The following SLC25A48 variants were observed in gnomAD, a reference collection of about 807,000 sequenced individuals.
The protein encoded by SLC25A48 is solute carrier family 25 member 48.
A neutral mutation model predicts 32.2 loss-of-function variants in SLC25A48; 29 were observed. That is an observed-to-expected ratio of 0.90 (90% confidence interval 0.67 to 1.23). The LOEUF (loss-of-function observed/expected upper bound fraction) is 1.23. Among genes scored for constraint, SLC25A48 ranks in the 50% most tolerant of loss-of-function variants. The pLI is 0.00. For missense variants in SLC25A48, 399 were observed against 422.7 expected (o/e 0.94, Z 0.49); for synonymous variants, 164 against 172.3 (o/e 0.95, Z 0.38).
At chr5:135,844,286 G>A (rs1057258492) in intron 2 of SLC25A48, among the ~76,000 whole-genome samples, 4 of 152,216 alleles carry the variant, frequency 2.6e-5, no homozygotes, top group Non-Finnish European at 4.4e-5. Flanking sequence ...GGTGCCTGCT[G>A]CATACCTCTC....
chr5:135,791,490 A>T (rs937249149), intron 3 of SLC25A48, among the ~76,000 whole-genome samples: 1 of 151,534 alleles, frequency 6.6e-6, no homozygotes, highest in Non-Finnish European at 1.5e-5. Flanking sequence ...TCCTAGGGAG[A>T]TGTTACTCCT....
chr5:135,723,190 G>A (rs1190428907), intron 3 of SLC25A48, among the ~76,000 whole-genome samples: 3 of 152,234 alleles, frequency 2.0e-5, no homozygotes, highest in Admixed American at 6.5e-5. Flanking sequence ...TTGCTCTTAA[G>A]TCTTTTTAAC....
intron 3 of SLC25A48, among the ~76,000 whole-genome samples, chr5:135,701,659 T>A (rs1754399102): frequency 6.6e-6 from 1 of 152,220 alleles, no homozygotes; most frequent in South Asian, 2.1e-4. Flanking sequence ...CCTTTGATAG[T>A]GTCTGAGCCA....
intron 3 of SLC25A48, among the ~76,000 whole-genome samples, chr5:135,697,990 C>T (rs1465356236): frequency 6.6e-6 from 1 of 152,256 alleles, no homozygotes; most frequent in Non-Finnish European, 1.5e-5. Flanking sequence ...ACCTACCACC[C>T]CAACTGTCCA....
intron 3 of SLC25A48, among the ~76,000 whole-genome samples, chr5:135,690,644 C>T (rs1754122549): frequency 6.6e-6 from 1 of 152,194 alleles, no homozygotes; most frequent in South Asian, 2.1e-4. Context: ...CCCAAAACAC[C>T]TGCTCATTAA....
At chr5:135,759,829 C>T (rs1756017513) in intron 3 of SLC25A48, among the ~76,000 whole-genome samples, 1 of 119,510 alleles carries the variant, frequency 8.4e-6, no homozygotes, top group Admixed American at 8.6e-5. Context: ...TATATATCAT[C>T]TTTTTTTTTT....
upstream of SLC25A48, among the ~76,000 whole-genome samples, chr5:135,830,019 T>G (rs1758162409): frequency 6.6e-6 from 1 of 151,540 alleles, no homozygotes. Flanking sequence ...GGTACAGAGA[T>G]TGGGGTGTCG....
chr5:135,633,112 A>G (rs942932958), intron 2 of SLC25A48, among the ~76,000 whole-genome samples: 1 of 152,152 alleles, frequency 6.6e-6, no homozygotes, highest in Non-Finnish European at 1.5e-5. Context: ...AGGGCAGCCA[A>G]TCTGTACAAG....
chr5:135,684,828 A>T (rs958471357), intron 3 of SLC25A48, among the ~76,000 whole-genome samples: 8 of 152,220 alleles, frequency 5.3e-5, no homozygotes, highest in African/African-American at 1.7e-4. Context: ...CATATTTTAC[A>T]TAGTCAGTTT....
intron 3 of SLC25A48, among the ~76,000 whole-genome samples, chr5:135,788,288 C>T (rs1439950587): frequency 4.0e-5 from 6 of 150,088 alleles, no homozygotes. Context: ...GGATGTACAG[C>T]CCCTTGCCAT....
At chr5:135,873,631 C>T (rs369574153) in intron 5 of SLC25A48, among the ~76,000 whole-genome samples, 1 of 152,166 alleles carries the variant, frequency 6.6e-6, no homozygotes, top group Non-Finnish European at 1.5e-5. Flanking sequence ...TGGGAAGGTG[C>T]TCCCAAGTAC....
chr5:135,829,486 A>G (rs1164764904), intron 4 of SLC25A48, among the ~76,000 whole-genome samples: 1 of 152,172 alleles, frequency 6.6e-6, no homozygotes, highest in Non-Finnish European at 1.5e-5. Context: ...CCAGAATTTC[A>G]GACTTCTGTG....
At chr5:135,604,852 G>A (rs953817816) in intron 1 of SLC25A48, among the ~76,000 whole-genome samples, 14 of 152,176 alleles carry the variant, frequency 9.2e-5, no homozygotes, top group Non-Finnish European at 1.5e-4. Context: ...TGCCAGGCGT[G>A]AACTCCAGCT....
At chr5:135,603,932 T>G (rs1751866589) in intron 1 of SLC25A48, among the ~76,000 whole-genome samples, 1 of 152,090 alleles carries the variant, frequency 6.6e-6, no homozygotes, top group East Asian at 1.9e-4. Context: ...GTGTTTCCCC[T>G]GCCCCCTTCC....
intron 3 of SLC25A48, 68 bp from the exon 4 acceptor site, chr5:135,852,495 G>C (rs1485565385): frequency 6.5e-7 from 1 of 1,533,280 alleles, no homozygotes; most frequent in African/African-American, 1.4e-5. Flanking sequence ...GGTGTACCCC[G>C]TCAGCCTGCA....
intron 6 of SLC25A48, among the ~76,000 whole-genome samples, chr5:135,879,763 G>A (rs9688020): frequency 0.061 from 9,358 of 152,200 alleles, 690 homozygotes; most frequent in African/African-American, 0.17. Flanking sequence ...GGGTCTGGGA[G>A]GAAAAGCACC....
intron 3 of SLC25A48, among the ~76,000 whole-genome samples, chr5:135,665,794 T>G (rs1753510137): frequency 6.6e-6 from 1 of 151,726 alleles, no homozygotes; most frequent in African/African-American, 2.4e-5. Flanking sequence ...CATCCTTGAG[T>G]CCTGCCTCCA....
At chr5:135,768,981 C>T (rs953578249) in intron 3 of SLC25A48, among the ~76,000 whole-genome samples, 1 of 151,396 alleles carries the variant, frequency 6.6e-6, no homozygotes, top group Non-Finnish European at 1.5e-5. Flanking sequence ...GAGGATGATG[C>T]TAATTCCAAT....
intron 3 of SLC25A48, among the ~76,000 whole-genome samples, chr5:135,699,084 A>G (rs962509278): frequency 6.6e-6 from 1 of 152,248 alleles, no homozygotes; most frequent in Non-Finnish European, 1.5e-5. Flanking sequence ...CTCATACAAT[A>G]CTGGTAAGAA....
Sources: allele counts gnomAD v4.1 joint callset (sites outside exome capture counted in the v4.1 genomes callset), GRCh38; gene constraint gnomAD v4.1.1; transcripts MANE v1.5; gene names NCBI Gene and HGNC (gene_info 2026-07-23, HGNC 2026-07-21).